The following SEC24D variants were observed in gnomAD, a reference collection of about 807,000 sequenced individuals.
SEC24D encodes protein transport protein Sec24D.
Under a neutral mutation model 116.9 loss-of-function variants are expected in SEC24D, and 69 were observed. The ratio of observed to expected loss-of-function variants is 0.59; its 90% CI spans 0.49 to 0.72. The LOEUF is 0.72. Ranked by LOEUF, SEC24D falls within the 30% of genes least tolerant of loss-of-function variation. The probability of loss-of-function intolerance (pLI) is 0.00; values close to 1 mark genes in which losing one functional copy is unlikely to be tolerated. For synonymous variants in SEC24D, 405 were observed against 442.8 expected (o/e 0.91, Z 1.07); for missense variants, 1,131 against 1,264.1 (o/e 0.89, Z 1.60).
chr4:118,779,731 C>T (rs1290762268), intron 8 of SEC24D, among the ~76,000 whole-genome samples: 2 of 152,108 alleles, frequency 1.3e-5, no homozygotes, highest in African/African-American at 4.8e-5. Context: ...TCCATCTGGT[C>T]CTGGAATTTT....
intron 9 of SEC24D, among the ~76,000 whole-genome samples, chr4:118,766,255 C>T (rs1727638499): frequency 6.6e-6 from 1 of 152,168 alleles, no homozygotes; most frequent in Non-Finnish European, 1.5e-5. Context: ...ATGTACTACC[C>T]TTTGGCCCCT....
chr4:118,814,986 C>T, intron 6 of SEC24D, 42 bp downstream of exon 6: 1 of 1,597,720 alleles, frequency 6.3e-7, no homozygotes, highest in African/African-American at 1.3e-5. Context: ...AAAATTAATG[C>T]TCCTTTGTGA....
intron 2 of SEC24D, among the ~76,000 whole-genome samples, chr4:118,830,086 G>C (rs1474017699): frequency 2.0e-5 from 3 of 152,214 alleles, no homozygotes; most frequent in African/African-American, 7.2e-5. Context: ...AGATATAAGA[G>C]CTGGAGTAAT....
chr4:118,797,682 C>A lies in SEC24D; in HGVS notation c.1041+1G>T. The A allele has an allele frequency of 6.3e-7, 1 of 1,591,932 alleles. No individual in the cohort carries two copies. Among genetic ancestry groups the A allele is most frequent in the Non-Finnish European group, 8.6e-7 (1 of 1,167,040 alleles). On this transcript the variant is annotated splice_donor_variant, in intron 8 of 22. Transcript: ENST00000280551. LOFTEE classifies it high-confidence loss of function. ...GAATTGCTATTATATATCATTCTTA[C>A]CTCATTTGAAGGAATGGTGGCAAAG... is the stretch of plus-strand genomic sequence containing the variant.
chr4:118,750,002 A>G (rs943895405), intron 13 of SEC24D, among the ~76,000 whole-genome samples: 3 of 152,236 alleles, frequency 2.0e-5, no homozygotes, highest in African/African-American at 7.2e-5. Flanking sequence ...CTGAGTTGTT[A>G]TATATTTAGA....
At chr4:118,743,356 T>TATAC (rs566077725) in intron 15 of SEC24D, among the ~76,000 whole-genome samples, 10 of 143,162 alleles carry the variant, frequency 7.0e-5, no homozygotes, top group African/African-American at 2.1e-4. Context: ...TATATATATA[T>TATAC]ACACACACAC....
chr4:118,780,290 G>A (rs1728338234), intron 8 of SEC24D, among the ~76,000 whole-genome samples: 1 of 152,118 alleles, frequency 6.6e-6, no homozygotes. Context: ...CAGAGATTCT[G>A]GCACATTGTG....
chr4:118,741,801 C>G (rs988610224), intron 15 of SEC24D, among the ~76,000 whole-genome samples: 1 of 152,154 alleles, frequency 6.6e-6, no homozygotes, highest in Non-Finnish European at 1.5e-5. Context: ...CCTTTAGTTG[C>G]TTACATACAA....
At chr4:118,819,661 A>G (rs562436196) in intron 3 of SEC24D, among the ~76,000 whole-genome samples, 1 of 152,108 alleles carries the variant, frequency 6.6e-6, no homozygotes, top group East Asian at 1.9e-4. Flanking sequence ...GTTGGATTTG[A>G]TAAGCAGAAA....
chr4:118,728,411 G>T (rs1431444037), intron 22 of SEC24D, 150 bp downstream of exon 22: 7 of 586,254 alleles, frequency 1.2e-5, no homozygotes, highest in Non-Finnish European at 1.8e-5. Context: ...AGAGGTTAAT[G>T]TGAGGTTTTT....
chr4:118,738,507 C>T lies in SEC24D; in HGVS notation c.2378-128G>A, dbSNP rs1457727668. Reference sequence around the variant, plus strand: ...CCAGCAAGAATAATAGCATTTAAATCTGTTCAAGTCATTTGCTAATGGTCT... The same window carrying T: ...CCAGCAAGAATAATAGCATTTAAATTTGTTCAAGTCATTTGCTAATGGTCT... On this transcript the variant is annotated intron_variant, in intron 18 of 22. Transcript: ENST00000280551. The T allele has an allele frequency of 7.2e-6, 5 of 693,796 alleles. No homozygotes were observed. The African/African-American group carries it at 9.1e-5, about 13-fold the overall frequency. 43.0% of individuals were successfully genotyped at this position (693,796 alleles called of 1,614,324 possible).
intron 15 of SEC24D, among the ~76,000 whole-genome samples, chr4:118,741,429 C>T (rs114778020): frequency 6.6e-6 from 1 of 152,168 alleles, no homozygotes; most frequent in South Asian, 2.1e-4. Flanking sequence ...AGTCTGACCA[C>T]ATTCAGAGCT....
chr4:118,831,548 G>A (rs780923432), intron 2 of SEC24D, among the ~76,000 whole-genome samples: 29 of 152,034 alleles, frequency 1.9e-4, no homozygotes, highest in Non-Finnish European at 4.0e-4. Context: ...CGCAGCCCAG[G>A]ACAGCTTTGA....
intron 4 of SEC24D, 63 bp from the exon 5 acceptor site, chr4:118,815,789 AAGT>A (rs1449335580): frequency 6.5e-7 from 1 of 1,547,792 alleles, no homozygotes; most frequent in African/African-American, 1.4e-5. Flanking sequence ...GACTTCTGCA[AAGT>A]ACATGACAGA....
chr4:118,760,142 CTT>C (rs1166544598), intron 10 of SEC24D, among the ~76,000 whole-genome samples: 1 of 152,150 alleles, frequency 6.6e-6, no homozygotes, highest in Non-Finnish European at 1.5e-5. Flanking sequence ...CAATTTCTCT[CTT>C]TTTCTATTAT....
At chr4:118,742,439 A>G (rs1190520801) in intron 15 of SEC24D, among the ~76,000 whole-genome samples, 1 of 152,196 alleles carries the variant, frequency 6.6e-6, no homozygotes, top group Non-Finnish European at 1.5e-5. Context: ...ATTGATTAGC[A>G]TGGTAGGCTT....
chr4:118,826,893 C>A (rs546323567), intron 2 of SEC24D, among the ~76,000 whole-genome samples: 2 of 152,188 alleles, frequency 1.3e-5, no homozygotes, highest in East Asian at 1.9e-4. Context: ...ATTTAAGGTG[C>A]CTTTGAGCCA....
chr4:118,737,829 C>T (rs1726039721), intron 19 of SEC24D, among the ~76,000 whole-genome samples: 1 of 151,830 alleles, frequency 6.6e-6, no homozygotes, highest in Non-Finnish European at 1.5e-5. Flanking sequence ...TAAAGAATTC[C>T]TGTATTTATA....
intron 3 of SEC24D, among the ~76,000 whole-genome samples, chr4:118,823,726 T>C (rs1440544216): frequency 6.6e-6 from 1 of 152,220 alleles, no homozygotes; most frequent in African/African-American, 2.4e-5. Flanking sequence ...AAATATTTCA[T>C]ACATCTTGGC....
Sources: allele counts gnomAD v4.1 joint callset (sites outside exome capture counted in the v4.1 genomes callset), GRCh38; gene constraint gnomAD v4.1.1; transcripts MANE v1.5; gene names NCBI Gene and HGNC (gene_info 2026-07-23, HGNC 2026-07-21).